The following PCBP3 variants were observed in gnomAD, a reference collection of about 807,000 sequenced individuals.
The protein encoded by PCBP3 is poly(rC) binding protein 3.
PCBP3 carries 25 observed loss-of-function variants against 52.7 expected under a neutral mutation model. The ratio of observed to expected loss-of-function variants is 0.47; its 90% CI spans 0.35 to 0.66. The LOEUF (loss-of-function observed/expected upper bound fraction) is 0.66. Among genes scored for constraint, PCBP3 ranks in the 30% least tolerant of loss-of-function variants. The pLI is 0.01. For missense variants in PCBP3, 391 were observed against 490.3 expected, an observed-to-expected ratio of 0.80 and a Z score of 1.91; for synonymous variants, 162 against 183.0, an observed-to-expected ratio of 0.89 and a Z score of 0.93.
chr21:45,919,475 T>G (rs2074090906), intron 13 of PCBP3: 1 of 152,212 alleles, frequency 6.6e-6, no homozygotes, highest in Non-Finnish European at 1.5e-5. Flanking sequence ...ATCTTTGATA[T>G]AGAGATGCAA....
rs2149488601 is a variant in PCBP3 at position 45,929,909 on chromosome 21, T to A, written c.718-8T>A. On this transcript the variant is annotated splice_polypyrimidine_tract_variant and splice_region_variant and intron_variant, in intron 13 of 17. Coordinates refer to ENST00000681687, the MANE Select transcript of PCBP3 (RefSeq NM_001384156.1). The stretch of plus-strand genomic sequence containing the variant: ...ACCTTCTTAGCTCTCGTGTCCCTCC[T>A]ACCCCAGCAGTTGACCAAGCTCCAC... 6.2e-7 allele frequency: 1 copy of A among 1,611,028 alleles called. No individual in the cohort carries two copies. The highest frequency in any genetic ancestry group is 1.1e-5 in the South Asian group (1 of 90,940).
At chr21:45,761,569 C>T (rs2088662905) in intron 4 of PCBP3, 1 of 152,280 alleles carries the variant, frequency 6.6e-6, no homozygotes, top group African/African-American at 2.4e-5. Flanking sequence ...TTTGTATGTT[C>T]TCAGATGACC....
In PCBP3 at chr21:45,902,669, C is replaced by T. The variant is rs567969992; in HGVS notation, c.339+1556C>T. On this transcript the variant is annotated intron_variant, in intron 9 of 17. Transcript: ENST00000681687. ...TTACCCAACCCAAGGCAAGAGGACA[C>T]ATCCCATAGCCATGAGGACCAGCCT... 2.0e-5 allele frequency among the ~76,000 whole-genome samples: 3 copies of T among 152,378 alleles called. No homozygotes were observed. The South Asian group carries it at 6.2e-4, about 32-fold the overall frequency.
intron 11 of PCBP3, 103 bp downstream of exon 11, chr21:45,911,133 A>G: frequency 7.4e-7 from 1 of 1,355,158 alleles, no homozygotes; most frequent in Non-Finnish European, 1.0e-6. Flanking sequence ...GGACTCACAC[A>G]GTTGGGGCTG....
At chr21:45,887,683 T>C (rs536253452) in intron 5 of PCBP3, among the ~76,000 whole-genome samples, 5 of 152,376 alleles carry the variant, frequency 3.3e-5, no homozygotes, top group African/African-American at 1.2e-4. Context: ...ACTTTTTGAA[T>C]GTCTGTGCCT....
rs895801220 is a variant in PCBP3, at chr21:45,805,239, A to G, written c.-125-44722A>G. 2.6e-5 allele frequency among the ~76,000 whole-genome samples: 4 copies of G among 152,114 alleles called. No homozygotes were observed. Among genetic ancestry groups the G allele is most frequent in the African/African-American group, 9.7e-5 (4 of 41,420 alleles). ...GTCTAAGGCTGTTCCCCGGAAGCCTACCTTCTATAGGAAGAGGCATTCTTG... is the reference window on the plus strand; with the variant it reads ...GTCTAAGGCTGTTCCCCGGAAGCCTGCCTTCTATAGGAAGAGGCATTCTTG... On this transcript the variant is annotated intron_variant, in intron 4 of 17. Coordinates refer to ENST00000681687, the MANE Select transcript of PCBP3 (RefSeq NM_001384156.1). This position sits in a 1 kb window ranked among gnomAD's most constrained non-coding sequence, Gnocchi z 4.6.
chr21:45,650,055 G>A (rs2079576802), intron 1 of PCBP3, among the ~76,000 whole-genome samples: 1 of 152,056 alleles, frequency 6.6e-6, no homozygotes. Flanking sequence ...CAGGCCAGGT[G>A]TGGTGGCTCA....
chr21:45,863,809 C>A (rs1405004376), intron 5 of PCBP3, among the ~76,000 whole-genome samples: 3 of 152,170 alleles, frequency 2.0e-5, no homozygotes, highest in Non-Finnish European at 4.4e-5. Flanking sequence ...GGACGGTTGG[C>A]TGAGATTGGC....
intron 5 of PCBP3, among the ~76,000 whole-genome samples, chr21:45,888,672 C>T (rs2095580455): frequency 6.6e-6 from 1 of 152,266 alleles, no homozygotes; most frequent in Admixed American, 6.5e-5. Flanking sequence ...GCAATTGGAG[C>T]TGAATTCTTA....
rs2077506635 is a variant in PCBP3 at position 45,941,998 on chromosome 21, G to C, written c.*292G>C. On this transcript the variant is annotated 3_prime_UTR_variant, in exon 18 of 18. Transcript: ENST00000681687. ...ATTATTTTAGAAATATTGTTCCTTG[G>C]TGTCAGCGTAGCTGTCTGTCTTAGG... is the stretch of plus-strand genomic sequence containing the variant. The C allele has an allele frequency of 2.8e-6, 1 of 363,592 alleles. No homozygotes were observed. The highest frequency in any genetic ancestry group is 4.9e-6 in the Non-Finnish European group (1 of 203,436). The allele number at this position is 363,592 out of a possible 1,614,324, so 22.5% of individuals were successfully genotyped here. A position where few individuals can be genotyped will look rare whatever the true frequency, so the allele number is the denominator to read the frequency against.
At chr21:45,687,666 G>A (rs2082231029) in intron 2 of PCBP3, among the ~76,000 whole-genome samples, 1 of 151,264 alleles carries the variant, frequency 6.6e-6, no homozygotes, top group African/African-American at 2.4e-5. Context: ...GATACAACTA[G>A]GTTAGAAGAA....
intron 3 of PCBP3, among the ~76,000 whole-genome samples, chr21:45,754,495 A>T (rs2087845943): frequency 6.6e-6 from 1 of 152,226 alleles, no homozygotes; most frequent in Admixed American, 6.5e-5. Flanking sequence ...ACCAGAAATT[A>T]TCTCAGGTTT....
rs114387718 is a variant in PCBP3, at chr21:45,895,525, A to G, written c.11-683A>G. Among the ~76,000 whole-genome samples the G allele has an allele frequency of 8.7e-3, 1,329 of 152,296 alleles. 22 individuals carry two copies. The highest frequency in any genetic ancestry group is 0.03 in the African/African-American group (1,255 of 41,558). On this transcript the variant is annotated intron_variant, in intron 5 of 17. Coordinates refer to ENST00000681687, the MANE Select transcript of PCBP3 (RefSeq NM_001384156.1). ...CGAGTCCCTCACTTCCACTACCATC[A>G]TTCTTTGCTGGTCAGTCATAAAATG...
intron 4 of PCBP3, among the ~76,000 whole-genome samples, chr21:45,755,993 TG>T (rs1359057288): frequency 4.6e-5 from 7 of 152,232 alleles, no homozygotes; most frequent in Non-Finnish European, 1.5e-5. Context: ...CTAAGAATTC[TG>T]CACATTCCCA....
intron 9 of PCBP3, among the ~76,000 whole-genome samples, chr21:45,906,694 G>A (rs544584184): frequency 4.6e-5 from 7 of 152,288 alleles, no homozygotes; most frequent in Admixed American, 6.5e-5. Flanking sequence ...CACACTTGCC[G>A]GTGGGCCGAG....
At chr21:45,786,708 C>A (rs981889081) in intron 4 of PCBP3, among the ~76,000 whole-genome samples, 1 of 152,120 alleles carries the variant, frequency 6.6e-6, no homozygotes, top group African/African-American at 2.4e-5. Context: ...TGGTATGTTC[C>A]TGTTGTTTAG....
intron 5 of PCBP3, among the ~76,000 whole-genome samples, chr21:45,861,082 T>A (rs2094493936): frequency 6.6e-6 from 1 of 152,130 alleles, no homozygotes; most frequent in South Asian, 2.1e-4. Flanking sequence ...TCTGGGCTGC[T>A]CCTTCCCAGT....
intron 5 of PCBP3, among the ~76,000 whole-genome samples, chr21:45,851,091 A>T (rs149881432): frequency 6.6e-6 from 1 of 152,366 alleles, no homozygotes; most frequent in East Asian, 1.9e-4. Context: ...AGGCTGAAAA[A>T]AGAGCAAGAG....
At chr21:45,909,228 C>A in intron 9 of PCBP3, 127 bp from the exon 10 acceptor site, 1 of 1,020,454 alleles carries the variant, frequency 9.8e-7, no homozygotes, top group East Asian at 2.5e-5. Context: ...GCCACTTTGT[C>A]CTCGGCTGTG....
Sources: allele counts gnomAD v4.1 joint callset (sites outside exome capture counted in the v4.1 genomes callset), GRCh38; gene constraint gnomAD v4.1.1; non-coding constraint Gnocchi (gnomAD v3.1); transcripts MANE v1.5; gene names NCBI Gene and HGNC (gene_info 2026-07-23, HGNC 2026-07-21).